Variants in LRRC28 observed in about 807,000 individuals in gnomAD.
LRRC28 encodes the protein leucine rich repeat containing 28.
LRRC28 carries 39 observed loss-of-function variants against 45.7 expected under a neutral mutation model. The observed-to-expected ratio is 0.85, with a 90% CI of 0.66 to 1.12. The LOEUF (loss-of-function observed/expected upper bound fraction) is 1.12, where lower values mean the gene tolerates loss of function less well. Among genes scored for constraint, LRRC28 ranks in the 50% most tolerant of loss-of-function variants. The probability of loss-of-function intolerance (pLI) is 0.00; values close to 1 mark genes in which losing one functional copy is unlikely to be tolerated. For missense variants in LRRC28, 435 were observed against 438.5 expected (o/e 0.99, Z 0.07); for synonymous variants, 206 against 178.8 (o/e 1.15, Z -1.22).
chr15:99,279,674 T>C (rs1459614731), intron 3 of LRRC28, among the ~76,000 whole-genome samples: 1 of 152,198 alleles, frequency 6.6e-6, no homozygotes, highest in Non-Finnish European at 1.5e-5. Flanking sequence ...GAAAATACCA[T>C]GAAGCCTACA....
intron 5 of LRRC28, among the ~76,000 whole-genome samples, chr15:99,320,934 T>A (rs1248741869): frequency 6.6e-6 from 1 of 152,240 alleles, no homozygotes; most frequent in Admixed American, 6.5e-5. Context: ...TCAAATAAGA[T>A]CTAATCGAGT....
At chr15:99,289,385 G>A (rs1340200945) in intron 5 of LRRC28, among the ~76,000 whole-genome samples, 9 of 152,084 alleles carry the variant, frequency 5.9e-5, no homozygotes, top group East Asian at 5.8e-4. Flanking sequence ...AAACCAACTC[G>A]AGAACACCAA....
chr15:99,351,712 A>T (rs932968111), intron 6 of LRRC28, among the ~76,000 whole-genome samples: 3 of 152,182 alleles, frequency 2.0e-5, no homozygotes, highest in African/African-American at 7.2e-5. Context: ...ATCTCTGTAT[A>T]AGGTGTTAAA....
At chr15:99,277,155 T>C (rs1472297091) in intron 3 of LRRC28, among the ~76,000 whole-genome samples, 1 of 152,148 alleles carries the variant, frequency 6.6e-6, no homozygotes, top group South Asian at 2.1e-4. Flanking sequence ...AGATATCTTA[T>C]ATTTCTCTCT....
intron 9 of LRRC28, among the ~76,000 whole-genome samples, chr15:99,373,197 A>G (rs1957532770): frequency 6.6e-6 from 1 of 152,160 alleles, no homozygotes; most frequent in African/African-American, 2.4e-5. Context: ...AATGATTTGC[A>G]TTTAACATAA....
intron 9 of LRRC28, among the ~76,000 whole-genome samples, chr15:99,373,383 A>T (rs934393204): frequency 3.3e-5 from 5 of 152,054 alleles, no homozygotes; most frequent in African/African-American, 4.8e-5. Flanking sequence ...TATTTTTAAA[A>T]TTTTTTTCAT....
At chr15:99,287,763 G>A (rs1009171696) in intron 4 of LRRC28, 51 bp from the exon 5 acceptor site, 1 of 1,536,232 alleles carries the variant, frequency 6.5e-7, no homozygotes, top group Non-Finnish European at 8.8e-7. Flanking sequence ...TTAAAGATTT[G>A]ATGTAATACT....
chr15:99,361,303 C>G lies in LRRC28; in HGVS notation c.696-33C>G, dbSNP rs761152230. On this transcript the variant is annotated intron_variant, in intron 7 of 9. Coordinates refer to ENST00000301981, the MANE Select transcript of LRRC28 (RefSeq NM_144598.5). Reference sequence around the variant, plus strand: ...GGCACCCATATTCTTTTCCTTATTGCTAATAATACTGTGAATGTGTGTCTT... The same window carrying G: ...GGCACCCATATTCTTTTCCTTATTGGTAATAATACTGTGAATGTGTGTCTT... 14 of 1,583,044 alleles carry G rather than the reference C, an allele frequency of 8.8e-6. No individual in the cohort carries two copies. The South Asian group carries it at 1.5e-4, about 17-fold the overall frequency.
chr15:99,344,536 A>G (rs984413738), intron 6 of LRRC28, among the ~76,000 whole-genome samples: 3 of 152,228 alleles, frequency 2.0e-5, no homozygotes, highest in South Asian at 2.1e-4. Flanking sequence ...AAAATAGTCT[A>G]TTTCATGGTG....
At chr15:99,268,435 T>C (rs2081387808) in intron 2 of LRRC28, among the ~76,000 whole-genome samples, 1 of 152,298 alleles carries the variant, frequency 6.6e-6, no homozygotes, top group East Asian at 1.9e-4. Flanking sequence ...CAGACCATTA[T>C]CTTGTGTACT....
intron 6 of LRRC28, 151 bp downstream of exon 6, chr15:99,334,280 C>A: frequency 1.3e-6 from 1 of 794,536 alleles, no homozygotes; most frequent in Non-Finnish European, 2.0e-6. Flanking sequence ...AAGCGTCATT[C>A]CTAGCTAACA....
intron 7 of LRRC28, 129 bp downstream of exon 7, chr15:99,352,600 C>G: frequency 1.5e-6 from 1 of 667,748 alleles, no homozygotes. Flanking sequence ...ATTGGGCAGG[C>G]AGTTTGGAAT....
chr15:99,310,772 A>G (rs1423364066), intron 5 of LRRC28, among the ~76,000 whole-genome samples: 3 of 152,216 alleles, frequency 2.0e-5, no homozygotes, highest in Non-Finnish European at 4.4e-5. Context: ...TCTTCAAGTC[A>G]TACATGGTGG....
intron 5 of LRRC28, among the ~76,000 whole-genome samples, chr15:99,293,610 A>C (rs2082187339): frequency 3.1e-5 from 4 of 129,768 alleles, no homozygotes; most frequent in East Asian, 4.1e-4. Flanking sequence ...AAAAAAAAAA[A>C]AAAAAAAAAA....
intron 5 of LRRC28, among the ~76,000 whole-genome samples, chr15:99,313,484 A>T: frequency 6.6e-6 from 1 of 152,112 alleles, no homozygotes. Context: ...TGCAGCACAC[A>T]TAGAATATTC....
intron 2 of LRRC28, chr15:99,258,539 T>C (rs926693729): frequency 5.4e-6 from 4 of 742,568 alleles, no homozygotes; most frequent in Admixed American, 2.0e-5. Context: ...AAGAATCTTA[T>C]GATGAAGCTG....
intron 2 of LRRC28, chr15:99,259,482 A>G: frequency 8.7e-7 from 1 of 1,152,770 alleles, no homozygotes; most frequent in Non-Finnish European, 1.3e-6. Context: ...AATTGGGTGA[A>G]AGATAAAGCC....
At chr15:99,361,812 C>T (rs555289541) in intron 8 of LRRC28, among the ~76,000 whole-genome samples, 1 of 152,292 alleles carries the variant, frequency 6.6e-6, no homozygotes, top group Admixed American at 6.5e-5. Flanking sequence ...TTGTCAGTTG[C>T]AAAGCACGGT....
chr15:99,309,589 A>G (rs777895777), intron 5 of LRRC28, among the ~76,000 whole-genome samples: 1 of 152,068 alleles, frequency 6.6e-6, no homozygotes, highest in East Asian at 1.9e-4. Context: ...TTGTATTTTT[A>G]GTAGAGACGC....
Sources: allele counts gnomAD v4.1 joint callset (sites outside exome capture counted in the v4.1 genomes callset), GRCh38; gene constraint gnomAD v4.1.1; transcripts MANE v1.5; gene names NCBI Gene and HGNC (gene_info 2026-07-23, HGNC 2026-07-21).